Variants in HERC1 observed in about 807,000 individuals in gnomAD.
HERC1 encodes HECT and RLD domain containing E3 ubiquitin protein ligase family member 1, also known as probable E3 ubiquitin-protein ligase HERC1.
HERC1 carries 160 observed loss-of-function variants against 554.3 expected under a neutral mutation model. The ratio of observed to expected loss-of-function variants is 0.29; its 90% CI spans 0.25 to 0.33. HERC1 has a LOEUF of 0.33. Ranked by LOEUF, HERC1 falls within the 10% of genes least tolerant of loss-of-function variation. HERC1 has a pLI of 1.00. For synonymous variants in HERC1, 2,175 were observed against 2,131.7 expected, an observed-to-expected ratio of 1.02 and a Z score of -0.56; for missense variants, 4,919 against 5,918.5, an observed-to-expected ratio of 0.83 and a Z score of 5.54.
intron 67 of HERC1, among the ~76,000 whole-genome samples, chr15:63,633,210 C>T (rs966223940): frequency 3.9e-5 from 6 of 152,230 alleles, no homozygotes; most frequent in African/African-American, 1.2e-4. Context: ...TCTCTGCATA[C>T]GTAGCTTAAT....
intron 1 of HERC1, among the ~76,000 whole-genome samples, chr15:63,800,869 C>A (rs1176112315): frequency 1.4e-5 from 2 of 145,914 alleles, no homozygotes; most frequent in African/African-American, 2.4e-5. Flanking sequence ...AGGATGAAGG[C>A]TGGTTGCCAG....
chr15:63,677,734 A>T lies in HERC1; in HGVS notation c.7070+111T>A. The T allele has an allele frequency of 6.7e-7, 1 of 1,488,184 alleles. No individual in the cohort carries two copies. The highest frequency in any genetic ancestry group is 1.4e-5 in the South Asian group (1 of 71,578). 92.2% of individuals were successfully genotyped at this position (1,488,184 alleles called of 1,614,324 possible). On this transcript the variant is annotated intron_variant, in intron 37 of 77. Coordinates refer to ENST00000443617, the MANE Select transcript of HERC1 (RefSeq NM_003922.4). This position sits in a 1 kb window ranked among gnomAD's most constrained non-coding sequence, Gnocchi z 4.4. ...TCTAGCTGCATGAGAAATATTTTTAAAAGTTAACTGGCAGCTCACCTAAAA... is the reference window on the plus strand; with the variant it reads ...TCTAGCTGCATGAGAAATATTTTTATAAGTTAACTGGCAGCTCACCTAAAA...
At chr15:63,746,806 G>C in intron 12 of HERC1, 112 bp downstream of exon 12, 1 of 955,892 alleles carries the variant, frequency 1.0e-6, no homozygotes. Flanking sequence ...CAGGAGTAAG[G>C]GAAACAACAT....
At chr15:63,631,054 C>T in intron 68 of HERC1, among the ~76,000 whole-genome samples, 1 of 152,206 alleles carries the variant, frequency 6.6e-6, no homozygotes, top group East Asian at 1.9e-4. Context: ...CCTCGGCTCA[C>T]TGCAGCCTCA....
Position 63,654,336 on chromosome 15 carries a change from G to A in HERC1, c.10085-12C>T. ...CAACTCCAGAGGGCCTACAGCAGAA[G>A]GATCATAGGAAGGATGGGCATACAA... is the stretch of plus-strand genomic sequence containing the variant. On this transcript the variant is annotated splice_polypyrimidine_tract_variant and intron_variant, in intron 50 of 77. Transcript: ENST00000443617. The A allele has an allele frequency of 1.2e-6, 2 of 1,603,240 alleles. No individual in the cohort carries two copies. Among genetic ancestry groups the A allele is most frequent in the Non-Finnish European group, 8.5e-7 (1 of 1,172,906 alleles).
intron 69 of HERC1, among the ~76,000 whole-genome samples, chr15:63,629,971 A>T (rs73441926): frequency 0.013 from 1,928 of 152,264 alleles, 39 homozygotes; most frequent in African/African-American, 0.041. Flanking sequence ...GCTCAGTTTA[A>T]TCCTATAAAT....
Position 63,680,012 on chromosome 15 carries a change from ACT to A in HERC1, c.6549+63_6549+64del. The A allele has an allele frequency of 9.0e-7, 1 of 1,112,210 alleles. No individual in the cohort carries two copies. Among genetic ancestry groups the A allele is most frequent in the Non-Finnish European group, 1.3e-6 (1 of 754,048 alleles). The allele number at this position is 1,112,210 out of a possible 1,614,324, so 68.9% of individuals were successfully genotyped here. On this transcript the variant is annotated intron_variant, in intron 36 of 77. Coordinates refer to ENST00000443617, the MANE Select transcript of HERC1 (RefSeq NM_003922.4). This position sits in a 1 kb window ranked among gnomAD's most constrained non-coding sequence, Gnocchi z 5.8. The stretch of plus-strand genomic sequence containing the variant: ...AAGAAATAGCTTATTATATTTATAA[ACT>A]CTATCTGATGCTAAACAATAAAATA...
intron 75 of HERC1, 24 bp from the exon 76 acceptor site, chr15:63,615,944 T>C: frequency 6.4e-7 from 1 of 1,552,238 alleles, no homozygotes. Flanking sequence ...AAAACAGAAT[T>C]TTTATTACAT....
At chr15:63,658,782 A>G in intron 47 of HERC1, 64 bp from the exon 48 acceptor site, 1 of 1,310,240 alleles carries the variant, frequency 7.6e-7, no homozygotes, top group Non-Finnish European at 1.1e-6. Context: ...GAACTACTAA[A>G]AACATTTCCT....
intron 1 of HERC1, among the ~76,000 whole-genome samples, chr15:63,804,563 G>A (rs1385997039): frequency 4.6e-5 from 7 of 151,094 alleles, no homozygotes; most frequent in African/African-American, 1.7e-4. Flanking sequence ...TCCAGCCTGG[G>A]CAACAAGAGC....
chr15:63,756,732 T>C lies in HERC1; in HGVS notation c.1238A>G (p.Tyr413Cys). ...ATCCGTAGAAATGACAAAAGTGCAG[T>C]ACTGTCCAGCTTCAATCTATAAACA... ...SDAQTIEAGQ[Y>C]CTFVISTDGS... Residue 413 changes from tyrosine (Y) to cysteine (C), a missense_variant, in exon 5 of 78, where the codon TAC becomes TGC. By Grantham distance (194) the Tyr-to-Cys change is radical. This residue lies in a region of HERC1 where 744 missense variants were observed against 1,090.0 expected (regional missense o/e 0.68). Coordinates refer to ENST00000443617, the MANE Select transcript of HERC1 (RefSeq NM_003922.4). The surrounding 1 kb of genome is among the most constrained non-coding windows in gnomAD (Gnocchi z 5.0). 1 of 1,600,210 alleles carries C rather than the reference T, an allele frequency of 6.2e-7. No individual in the cohort carries two copies. Among genetic ancestry groups the C allele is most frequent in the South Asian group, 1.1e-5 (1 of 89,722 alleles).
rs770451620 is a variant in HERC1 at position 63,713,342 on chromosome 15, G to C, written c.4463+11C>G. 3 of 1,608,624 alleles carry C rather than the reference G, an allele frequency of 1.9e-6. No individual in the cohort carries two copies. In the South Asian group the frequency reaches 3.3e-5, roughly 18 times the overall value. ...GAGTAGGTCATGTTTTCAGTGTCTA[G>C]TCAGTCCCACCTGGTCATAAGTCCA... On this transcript the variant is annotated intron_variant, in intron 23 of 77. Coordinates refer to ENST00000443617, the MANE Select transcript of HERC1 (RefSeq NM_003922.4).
intron 18 of HERC1, among the ~76,000 whole-genome samples, 173 bp downstream of exon 18, chr15:63,725,119 C>T (rs1043418178): frequency 7.9e-5 from 12 of 152,078 alleles, no homozygotes; most frequent in South Asian, 2.1e-4. Context: ...CCATATTGTG[C>T]TGCACGATTT....
Position 63,649,940 on chromosome 15 carries a change from A to G in HERC1, c.10547-15T>C. On this transcript the variant is annotated splice_polypyrimidine_tract_variant and intron_variant, in intron 53 of 77. Transcript: ENST00000443617. ...TCCTTTTCCTCCTAAAAGGGAAAAA[A>G]TGTTAACTAGTTTTTACTTAATTCT... The G allele has an allele frequency of 6.4e-7, 1 of 1,553,508 alleles. No homozygotes were observed. The highest frequency in any genetic ancestry group is 8.8e-7 in the Non-Finnish European group (1 of 1,141,682).
chr15:63,624,696 A>G (rs994658397), intron 71 of HERC1, among the ~76,000 whole-genome samples: 3 of 152,246 alleles, frequency 2.0e-5, no homozygotes, highest in Non-Finnish European at 4.4e-5. Context: ...CCCTGTCTCA[A>G]TATTATTTGA....
rs76946928 is a variant in HERC1, at chr15:63,680,301, C to A, written c.6466-141G>T. 20 of 750,504 alleles carry A rather than the reference C, an allele frequency of 2.7e-5. No individual in the cohort carries two copies. The highest frequency in any genetic ancestry group is 4.2e-5 in the Non-Finnish European group (20 of 476,120). 46.5% of individuals were successfully genotyped at this position (750,504 alleles called of 1,614,324 possible). ...CAAATTCTCAATTAACCTTGCTAAC[C>A]GAGAAAATTCTACATATAATAAGTG... On this transcript the variant is annotated intron_variant, in intron 35 of 77. Transcript: ENST00000443617. This position sits in a 1 kb window ranked among gnomAD's most constrained non-coding sequence, Gnocchi z 5.8.
At chr15:63,609,609 C>A (rs576186644) in intron 77 of HERC1, among the ~76,000 whole-genome samples, 94 of 152,326 alleles carry the variant, frequency 6.2e-4, no homozygotes, top group African/African-American at 2.1e-3. Context: ...GTCCTTCATA[C>A]CCATCCACCA....
At position 63,692,615 on chromosome 15, in the gene HERC1, T is replaced by C. The variant is rs748974934; in HGVS notation, c.5675-49A>G. On this transcript the variant is annotated intron_variant, in intron 30 of 77. Coordinates refer to ENST00000443617, the MANE Select transcript of HERC1 (RefSeq NM_003922.4). This position sits in a 1 kb window ranked among gnomAD's most constrained non-coding sequence, Gnocchi z 4.7. ...GTTACAACCAAGAGCCAACAAGAAATAGTCTTATATCACATAATTTACCTT... is the reference window on the plus strand; with the variant it reads ...GTTACAACCAAGAGCCAACAAGAAACAGTCTTATATCACATAATTTACCTT... 4 of 1,469,152 alleles carry C rather than the reference T, an allele frequency of 2.7e-6. No individual in the cohort carries two copies. Among genetic ancestry groups the C allele is most frequent in the South Asian group, 2.8e-5 (2 of 72,644 alleles). 91.0% of individuals were successfully genotyped at this position (1,469,152 alleles called of 1,614,324 possible).
At chr15:63,685,806 G>A (rs1468785169) in intron 34 of HERC1, among the ~76,000 whole-genome samples, 1 of 152,188 alleles carries the variant, frequency 6.6e-6, no homozygotes, top group African/African-American at 2.4e-5. Flanking sequence ...GTTGGCCCTT[G>A]GCTGGCATGG....
Sources: gnomAD v4.1 joint callset for allele counts (sites outside exome capture counted in the v4.1 genomes callset) on GRCh38, gnomAD v4.1.1 for gene constraint, gnomAD v4.1.1 regional missense constraint, Gnocchi (gnomAD v3.1) non-coding constraint, MANE v1.5 for transcripts, NCBI Gene and HGNC (gene_info 2026-07-23, HGNC 2026-07-21) for gene names.